The following NUMA1 variants were observed in gnomAD, a reference collection of about 807,000 sequenced individuals.
NUMA1 encodes nuclear mitotic apparatus protein 1.
NUMA1 carries 62 observed loss-of-function variants against 237.1 expected under a neutral mutation model. That is an observed-to-expected ratio of 0.26 (90% CI 0.21 to 0.32). The LOEUF (loss-of-function observed/expected upper bound fraction) is 0.32, where lower values mean the gene tolerates loss of function less well. Ranked by LOEUF, NUMA1 falls within the 10% of genes least tolerant of loss-of-function variation. NUMA1 has a pLI of 1.00. For missense variants in NUMA1, 2,533 were observed against 2,666.5 expected (o/e 0.95, Z 1.10); for synonymous variants, 1,028 against 1,066.1 (o/e 0.96, Z 0.70).
intron 21 of NUMA1, among the ~76,000 whole-genome samples, chr11:72,006,961 G>C (rs1161986415): frequency 2.0e-5 from 3 of 152,238 alleles, no homozygotes; most frequent in Non-Finnish European, 4.4e-5. Context: ...TACGCATGGA[G>C]AGAATGCTAG....
In NUMA1 at chr11:72,024,373, T is replaced by C. The variant is rs1175559163; in HGVS notation, c.129-20A>G. On this transcript the variant is annotated intron_variant, in intron 4 of 26. Coordinates refer to ENST00000393695, the MANE Select transcript of NUMA1 (RefSeq NM_006185.4). ...CCATGGCTAGAAAAAGAGCAAGTAT[T>C]AGGACCAGAGTATTCAGCAATCTTT... is the stretch of plus-strand genomic sequence containing the variant. The C allele has an allele frequency of 6.2e-7, 1 of 1,610,344 alleles. No homozygotes were observed. Among genetic ancestry groups the C allele is most frequent in the Non-Finnish European group, 8.5e-7 (1 of 1,176,612 alleles).
At position 72,035,935 on chromosome 11, in the gene NUMA1, G is replaced by C. The variant is rs138259504; in HGVS notation, c.9C>G (p.Leu3=). Residue 3 remains leucine (L), a synonymous_variant, in exon 3 of 27, where the codon CTC becomes CTG. Transcript: ENST00000393695. MT[L]HATRGAALLS... is the part of the protein sequence containing the mutation. ...GGAGTGCAGCCCCCCGGGTGGCGTGGAGTGTCATCTTGGTGATGCCAGACA... is the reference window on the plus strand; with the variant it reads ...GGAGTGCAGCCCCCCGGGTGGCGTGCAGTGTCATCTTGGTGATGCCAGACA... The C allele has an allele frequency of 1.0e-4, 167 of 1,614,104 alleles. No individual in the cohort carries two copies. In the African/African-American group the frequency reaches 1.9e-3, roughly 18 times the overall value.
At position 72,016,495 on chromosome 11, in the gene NUMA1, T is replaced by C. The variant is rs866848404; in HGVS notation, c.1155A>G (p.Gly385=). The change falls in exon 14 of 27, where the codon GGA becomes GGG. Residue 385 remains glycine, a synonymous_variant. Coordinates refer to ENST00000393695, the MANE Select transcript of NUMA1 (RefSeq NM_006185.4). ...CLEEKNEILQ[G]KLSQLEEHLS... ...AGTGTTCTTCCAGCTGTGAAAGTTTTCCCTGAAGGATTTCGTTCTTCTCTT... is the reference window on the plus strand; with the variant it reads ...AGTGTTCTTCCAGCTGTGAAAGTTTCCCCTGAAGGATTTCGTTCTTCTCTT... The C allele has an allele frequency of 6.2e-7, 1 of 1,614,066 alleles. No homozygotes were observed. The highest frequency in any genetic ancestry group is 1.6e-4 in the Middle Eastern group (1 of 6,062).
chr11:72,049,594 GTGTA>G (rs1191827670), intron 2 of NUMA1: 7 of 17,216 alleles, frequency 4.1e-4, no homozygotes, highest in Non-Finnish European at 1.1e-3. Context: ...GTGTGTGTGT[GTGTA>G]TATATATATA....
At chr11:72,012,218 G>T in intron 16 of NUMA1, 183 bp downstream of exon 16, 1 of 604,266 alleles carries the variant, frequency 1.7e-6, no homozygotes, top group South Asian at 2.1e-5. Context: ...GTGGGATGAG[G>T]CCTGAGAGAG....
intron 2 of NUMA1, among the ~76,000 whole-genome samples, chr11:72,059,239 A>C (rs1404784945): frequency 6.6e-6 from 1 of 152,172 alleles, no homozygotes; most frequent in Non-Finnish European, 1.5e-5. Context: ...AATTTATTTG[A>C]CATGTTTCCA....
intron 6 of NUMA1, among the ~76,000 whole-genome samples, chr11:72,022,781 A>G (rs753449903): frequency 1.3e-5 from 2 of 151,910 alleles, no homozygotes; most frequent in Non-Finnish European, 1.5e-5. Flanking sequence ...GCCGAATGAG[A>G]CCTGATTTCT....
At position 72,015,168 on chromosome 11, in the gene NUMA1, G is replaced by C. The variant is rs1424438086; in HGVS notation, c.2335C>G (p.Gln779Glu). 5.0e-6 allele frequency: 8 copies of C among 1,613,474 alleles called. No individual in the cohort carries two copies. In the African/African-American group the frequency reaches 5.3e-5, roughly 11 times the overall value. The change falls in exon 15 of 27, where the codon CAG becomes GAG. Residue 779 changes from glutamine to glutamate, a missense_variant. Physicochemically the swap from Gln to Glu is conservative, Grantham distance 29. This residue lies in a region of NUMA1 where 1,414 missense variants were observed against 1,508.1 expected (regional missense o/e 0.94). Transcript: ENST00000393695. The surrounding 1 kb of genome is among the most constrained non-coding windows in gnomAD (Gnocchi z 4.0). ...CGCCGCAGGACTTCAGTCTCAGCCT[G>C]ATGGGCCTCCCCAAGCTGCTGTAAT... ...ARLQQLGEAH[Q>E]AETEVLRREL... is the part of the protein sequence containing the mutation.
At chr11:72,021,950 AGAT>A (rs1444285553) in intron 7 of NUMA1, among the ~76,000 whole-genome samples, 1 of 152,144 alleles carries the variant, frequency 6.6e-6, no homozygotes, top group African/African-American at 2.4e-5. Flanking sequence ...GGCCTCTTCC[AGAT>A]GACCCTACCA....
chr11:72,014,671 T>A lies in NUMA1; in HGVS notation c.2832A>T (p.Ala944=). The change falls in exon 15 of 27, where the codon GCA becomes GCT. Residue 944 remains alanine, a synonymous_variant. Coordinates refer to ENST00000393695, the MANE Select transcript of NUMA1 (RefSeq NM_006185.4). This position sits in a 1 kb window ranked among gnomAD's most constrained non-coding sequence, Gnocchi z 4.6. The part of the protein sequence containing the change: ...SRELVKEPAR[A]GDRQPEWLEE... Reference sequence around the variant, plus strand: ...CCAGCCACTCGGGCTGTCTGTCTCCTGCCCTCGCAGGCTCCTTGACTAACT... The same window carrying A: ...CCAGCCACTCGGGCTGTCTGTCTCCAGCCCTCGCAGGCTCCTTGACTAACT... 1.2e-6 allele frequency: 2 copies of A among 1,613,270 alleles called. No homozygotes were observed. Among genetic ancestry groups the A allele is most frequent in the Middle Eastern group, 1.6e-4 (1 of 6,062 alleles).
At chr11:72,005,613 TA>T in intron 22 of NUMA1, 1 of 536,890 alleles carries the variant, frequency 1.9e-6, no homozygotes, top group East Asian at 3.3e-5. Context: ...TACTACATCT[TA>T]CTCACCTGCC....
intron 2 of NUMA1, among the ~76,000 whole-genome samples, chr11:72,039,331 G>A (rs1941404137): frequency 6.6e-6 from 1 of 152,208 alleles, no homozygotes; most frequent in Non-Finnish European, 1.5e-5. Flanking sequence ...AAGGCCAGAG[G>A]GTCTGAGCTG....
chr11:72,027,828 C>A (rs1325386085), intron 4 of NUMA1, among the ~76,000 whole-genome samples: 1 of 152,068 alleles, frequency 6.6e-6, no homozygotes, highest in Non-Finnish European at 1.5e-5. Context: ...GGCCTAGTAT[C>A]CAGAATGAGG....
Position 72,003,480 on chromosome 11 carries a change from GGT to G in NUMA1, c.*45_*46del, listed in dbSNP as rs1565179002. ...GGACAGTAGGCGGAGGACCAGGTGA[GGT>G]CAGCATCGGGGACACAGGTGGGGCC... On this transcript the variant is annotated 3_prime_UTR_variant, in exon 27 of 27. Coordinates refer to ENST00000393695, the MANE Select transcript of NUMA1 (RefSeq NM_006185.4). 23 of 1,598,370 alleles carry G rather than the reference GGT, an allele frequency of 1.4e-5. 1 individual carries two copies. Among genetic ancestry groups the G allele is most frequent in the African/African-American group, 2.7e-5 (2 of 74,496 alleles).
intron 2 of NUMA1, among the ~76,000 whole-genome samples, chr11:72,061,694 T>C (rs1163592401): frequency 6.6e-6 from 1 of 152,064 alleles, no homozygotes; most frequent in Non-Finnish European, 1.5e-5. Context: ...CCTTGTCATG[T>C]TGCCTAAGCT....
At chr11:72,036,129 T>A in intron 2 of NUMA1, 154 bp from the exon 3 acceptor site, 1 of 626,592 alleles carries the variant, frequency 1.6e-6, no homozygotes, top group South Asian at 1.8e-5. Context: ...GAAAGCTGAG[T>A]ACACATGACA....
chr11:72,032,879 T>C (rs1669510323), intron 3 of NUMA1, among the ~76,000 whole-genome samples: 2 of 152,242 alleles, frequency 1.3e-5, no homozygotes, highest in Admixed American at 1.3e-4. Flanking sequence ...TTTTATGTTA[T>C]AAATTACTGA....
chr11:72,017,971 A>C, intron 12 of NUMA1, 144 bp from the exon 13 acceptor site: 2 of 1,071,574 alleles, frequency 1.9e-6, no homozygotes, highest in Non-Finnish European at 2.7e-6. Context: ...CACACCTCTA[A>C]TTCAGAACTA....
chr11:72,003,746 C>A, intron 26 of NUMA1, 141 bp downstream of exon 26: 1 of 1,021,144 alleles, frequency 9.8e-7, no homozygotes. Context: ...TGGAGAGGAG[C>A]TACCAGGACA....
Sources: gnomAD v4.1 joint callset for allele counts (sites outside exome capture counted in the v4.1 genomes callset) on GRCh38, gnomAD v4.1.1 for gene constraint, gnomAD v4.1.1 regional missense constraint, Gnocchi (gnomAD v3.1) non-coding constraint, MANE v1.5 for transcripts, NCBI Gene and HGNC (gene_info 2026-07-23, HGNC 2026-07-21) for gene names.